RERE: variants seen among roughly 807,000 people sequenced by gnomAD.
The protein encoded by RERE is arginine-glutamic acid dipeptide repeats, also known as arginine-glutamic acid dipeptide repeats protein.
Under a neutral mutation model 146.1 loss-of-function variants are expected in RERE, and 40 were observed. The observed-to-expected ratio is 0.27, with a 90% CI of 0.21 to 0.36. RERE has a LOEUF of 0.36. RERE is among the 10% of genes least tolerant of loss of function. The probability of loss-of-function intolerance (pLI) is 1.00; values close to 1 mark genes in which losing one functional copy is unlikely to be tolerated. For synonymous variants in RERE, 1,003 were observed against 866.0 expected, an observed-to-expected ratio of 1.16 and a Z score of -2.78; for missense variants, 1,933 against 2,138.7, an observed-to-expected ratio of 0.90 and a Z score of 1.90.
At chr1:8,573,464 T>C (rs1002526364) in intron 4 of RERE, among the ~76,000 whole-genome samples, 1 of 152,226 alleles carries the variant, frequency 6.6e-6, no homozygotes, top group Non-Finnish European at 1.5e-5. Flanking sequence ...ACATGATCCA[T>C]CCACGCCCTA....
intron 2 of RERE, among the ~76,000 whole-genome samples, chr1:8,644,691 G>A (rs1220177790): frequency 1.3e-5 from 2 of 152,040 alleles, no homozygotes; most frequent in African/African-American, 4.8e-5. Flanking sequence ...GTTTCCTTAT[G>A]GACTATGTTG....
chr1:8,573,653 C>T (rs1250803734), intron 4 of RERE, among the ~76,000 whole-genome samples: 7 of 152,138 alleles, frequency 4.6e-5, no homozygotes, highest in East Asian at 1.9e-4. Context: ...CAAATTATTT[C>T]GATTACTCTG....
intron 10 of RERE, among the ~76,000 whole-genome samples, chr1:8,478,604 G>A (rs1475735551): frequency 6.6e-6 from 1 of 152,168 alleles, no homozygotes; most frequent in South Asian, 2.1e-4. Flanking sequence ...TGGAGGACAG[G>A]GCTGGCCAGG....
At chr1:8,625,994 G>A (rs1241265487) in intron 2 of RERE, among the ~76,000 whole-genome samples, 1 of 152,182 alleles carries the variant, frequency 6.6e-6, no homozygotes, top group Non-Finnish European at 1.5e-5. Context: ...ACGTAAAACA[G>A]TAGCTCAGGA....
At chr1:8,540,191 G>A (rs1399497021) in intron 7 of RERE, among the ~76,000 whole-genome samples, 1 of 152,090 alleles carries the variant, frequency 6.6e-6, no homozygotes, top group Non-Finnish European at 1.5e-5. Flanking sequence ...GACTTCCCAG[G>A]CTCAAGCAAT....
chr1:8,496,212 T>C (rs192882555), intron 9 of RERE, among the ~76,000 whole-genome samples: 23 of 150,062 alleles, frequency 1.5e-4, no homozygotes, highest in African/African-American at 5.7e-4. Context: ...TTCACTCCAC[T>C]TACACATTCT....
At chr1:8,582,538 A>T (rs1387307839) in intron 4 of RERE, among the ~76,000 whole-genome samples, 2 of 151,738 alleles carry the variant, frequency 1.3e-5, no homozygotes, top group African/African-American at 4.8e-5. Context: ...CTTGGCTATT[A>T]TATTTTAAGG....
At chr1:8,800,438 T>A (rs1056888938) in intron 1 of RERE, among the ~76,000 whole-genome samples, 6 of 152,170 alleles carry the variant, frequency 3.9e-5, no homozygotes, top group African/African-American at 1.4e-4. Context: ...TCTCTATGAC[T>A]GAGAGACCAC....
intron 10 of RERE, among the ~76,000 whole-genome samples, chr1:8,482,206 C>A (rs1044263064): frequency 2.9e-5 from 3 of 102,680 alleles, no homozygotes; most frequent in East Asian, 7.4e-4. Flanking sequence ...AAATAAAGAA[C>A]CTAATTGGAT....
At chr1:8,515,622 C>A (rs1044899374) in intron 7 of RERE, among the ~76,000 whole-genome samples, 1 of 152,012 alleles carries the variant, frequency 6.6e-6, no homozygotes, top group Non-Finnish European at 1.5e-5. Context: ...CAGAGCAAGA[C>A]TGTCTCAAAA....
intron 1 of RERE, among the ~76,000 whole-genome samples, chr1:8,782,115 C>T (rs1428354156): frequency 6.6e-6 from 1 of 152,096 alleles, no homozygotes; most frequent in Non-Finnish European, 1.5e-5. Flanking sequence ...CTCTTAAACC[C>T]ACTCCAATAA....
intron 7 of RERE, chr1:8,511,964 T>C (rs1406076707): frequency 2.8e-5 from 4 of 145,218 alleles, no homozygotes; most frequent in African/African-American, 1.0e-4. Flanking sequence ...CACACCTCAC[T>C]CATTAATGAT....
In RERE at chr1:8,360,467, G is replaced by GGGGGGGGGGGGC; in HGVS notation, c.3039_3040insGCCCCCCCCCCC (p.Leu1013_Pro1014insAlaProProPro). On this transcript the variant is annotated inframe_insertion, in exon 18 of 23. Transcript: ENST00000400908. ...GGGGGGTGGGAGGCAGGGGGCGGGGGCAGGTTCTGGCTCTGGGTCAGCCCG... is the reference window on the plus strand; with the variant it reads ...GGGGGGTGGGAGGCAGGGGGCGGGGGGGGGGGGGGGGCCAGGTTCTGGCTCTGGGTCAGCCCG... 1.7e-6 allele frequency: 1 copy of GGGGGGGGGGGGC among 591,156 alleles called. No homozygotes were observed. 36.6% of individuals were successfully genotyped at this position (591,156 alleles called of 1,614,324 possible).
At chr1:8,745,926 A>G (rs1020128943) in intron 1 of RERE, among the ~76,000 whole-genome samples, 2 of 152,166 alleles carry the variant, frequency 1.3e-5, no homozygotes, top group Non-Finnish European at 2.9e-5. Context: ...AAATTAGCCA[A>G]GCATGGCAGC....
chr1:8,678,649 C>G (rs1056236788), intron 1 of RERE, among the ~76,000 whole-genome samples: 1 of 145,192 alleles, frequency 6.9e-6, no homozygotes, highest in African/African-American at 2.8e-5. Context: ...GAGCCGAGAT[C>G]GTACCACTGC....
At chr1:8,409,502 T>A (rs1004418366) in intron 12 of RERE, among the ~76,000 whole-genome samples, 2 of 152,116 alleles carry the variant, frequency 1.3e-5, no homozygotes, top group Admixed American at 1.3e-4. Context: ...AAAGTCCAAT[T>A]TGGACTGACA....
At chr1:8,511,177 CG>C (rs1645331025) in intron 7 of RERE, among the ~76,000 whole-genome samples, 1 of 152,036 alleles carries the variant, frequency 6.6e-6, no homozygotes, top group African/African-American at 2.4e-5. Context: ...TTATATCTCA[CG>C]TATTTCCATA....
chr1:8,681,808 T>C (rs1638978398), intron 1 of RERE, among the ~76,000 whole-genome samples: 1 of 152,336 alleles, frequency 6.6e-6, no homozygotes, highest in Non-Finnish European at 1.5e-5. Context: ...TAATCTTTAG[T>C]TGAAATTTTA....
At chr1:8,486,675 A>G (rs2124200482) in intron 10 of RERE, among the ~76,000 whole-genome samples, 1 of 151,726 alleles carries the variant, frequency 6.6e-6, no homozygotes, top group South Asian at 2.1e-4. Context: ...CCAAACTCTA[A>G]AGAGATCAAT....
Sources: allele counts gnomAD v4.1 joint callset (sites outside exome capture counted in the v4.1 genomes callset), GRCh38; gene constraint gnomAD v4.1.1; transcripts MANE v1.5; gene names NCBI Gene and HGNC (gene_info 2026-07-23, HGNC 2026-07-21).